The following INSL6 variants were observed in gnomAD, a reference collection of about 807,000 sequenced individuals.
INSL6 encodes insulin-like peptide INSL6.
Under a neutral mutation model 9.4 loss-of-function variants are expected in INSL6, and 16 were observed. The ratio of observed to expected loss-of-function variants is 1.70; its 90% CI spans 1.15 to 2.59. The LOEUF (loss-of-function observed/expected upper bound fraction) is 2.59. INSL6 is among the 30% of genes most tolerant of loss of function. INSL6 has a pLI of 0.00. For synonymous variants in INSL6, 154 were observed against 96.9 expected (o/e 1.59, Z -3.46); for missense variants, 391 against 257.3 (o/e 1.52, Z -3.56).
chr9:5,116,064 TAA>T, the INSL6 span, among the ~76,000 whole-genome samples: 1 of 150,238 alleles, frequency 6.7e-6, no homozygotes, highest in Admixed American at 6.6e-5. Context: ...TAATAAAATT[TAA>T]AAAAAAAACA....
the INSL6 span, among the ~76,000 whole-genome samples, chr9:5,067,121 A>G: frequency 1.3e-5 from 2 of 152,184 alleles, no homozygotes; most frequent in Non-Finnish European, 2.9e-5. Flanking sequence ...TCTTTGCCAC[A>G]TCATGTAGAA....
chr9:5,034,099 G>T, the INSL6 span, among the ~76,000 whole-genome samples: 37 of 152,038 alleles, frequency 2.4e-4, no homozygotes, highest in East Asian at 1.9e-3. Context: ...TCCTAGTCTC[G>T]GATAAAACAG....
At chr9:5,152,140 C>T (rs1824725672) in intron 2 of INSL6, among the ~76,000 whole-genome samples, 1 of 152,106 alleles carries the variant, frequency 6.6e-6, no homozygotes, top group African/African-American at 2.4e-5. Context: ...TCCATTATTA[C>T]AGAGATTTCA....
At chr9:5,069,141 G>C in the INSL6 span, 3 of 1,613,266 alleles carry the variant, frequency 1.9e-6, no homozygotes, top group Non-Finnish European at 2.5e-6. Context: ...ATTGTTACCA[G>C]ATGGAAACTG....
chr9:5,056,598 C>G, the INSL6 span, among the ~76,000 whole-genome samples: 1 of 152,000 alleles, frequency 6.6e-6, no homozygotes, highest in Non-Finnish European at 1.5e-5. Context: ...GACTGTGAGC[C>G]TTTTGAAGGT....
chr9:5,122,774 A>C (rs189428803), downstream of INSL6, among the ~76,000 whole-genome samples: 496 of 152,168 alleles, frequency 3.3e-3, 1 homozygote, highest in Non-Finnish European at 4.0e-3. Context: ...TGTACAAACA[A>C]TCTAGGCATA....
chr9:5,090,614 T>C, the INSL6 span: 90 of 1,547,812 alleles, frequency 5.8e-5, no homozygotes, highest in Middle Eastern at 1.7e-4. Flanking sequence ...AGCAACCGTG[T>C]TGAAGTAGAC....
intron 3 of INSL6, chr9:5,126,813 G>C (rs771905359): frequency 7.0e-7 from 1 of 1,432,542 alleles, no homozygotes; most frequent in African/African-American, 1.4e-5. Context: ...TTCATTCTGA[G>C]ACCAAAGTAG....
the INSL6 span, among the ~76,000 whole-genome samples, chr9:5,036,938 G>A: frequency 2.0e-5 from 3 of 152,068 alleles, no homozygotes; most frequent in African/African-American, 7.2e-5. Flanking sequence ...CTACAGAATG[G>A]GAGAACATTT....
At chr9:5,023,437 G>C in the INSL6 span, among the ~76,000 whole-genome samples, 1 of 152,162 alleles carries the variant, frequency 6.6e-6, no homozygotes, top group African/African-American at 2.4e-5. Context: ...AGGACTCGGG[G>C]GGAGCGTGGG....
chr9:5,126,240 T>A, intron 3 of INSL6: 1 of 774,982 alleles, frequency 1.3e-6, no homozygotes, highest in Non-Finnish European at 2.1e-6. Context: ...AGCACACATA[T>A]ACTAAATTTT....
the INSL6 span, chr9:5,066,798 G>C: frequency 7.7e-7 from 1 of 1,290,896 alleles, no homozygotes; most frequent in Non-Finnish European, 1.1e-6. Flanking sequence ...AGGTTAGTAT[G>C]TCACACTTAT....
chr9:5,034,551 G>A, the INSL6 span, among the ~76,000 whole-genome samples: 137 of 152,088 alleles, frequency 9.0e-4, no homozygotes, highest in Non-Finnish European at 1.5e-3. Flanking sequence ...TCAGACCACA[G>A]TGCAATCAAA....
intron 1 of INSL6, among the ~76,000 whole-genome samples, chr9:5,177,918 C>T (rs942348374): frequency 6.6e-6 from 1 of 152,084 alleles, no homozygotes; most frequent in African/African-American, 2.4e-5. Flanking sequence ...CTCTGTCACC[C>T]AGGCTGGAGT....
At chr9:5,061,916 G>T in the INSL6 span, among the ~76,000 whole-genome samples, 4 of 152,150 alleles carry the variant, frequency 2.6e-5, no homozygotes, top group African/African-American at 9.7e-5. Flanking sequence ...TTATTAATTG[G>T]CCTAATTTCA....
intron 1 of INSL6, among the ~76,000 whole-genome samples, chr9:5,167,350 T>G (rs951480975): frequency 1.3e-5 from 2 of 152,236 alleles, no homozygotes; most frequent in Non-Finnish European, 2.9e-5. Flanking sequence ...TGGGTGGCAC[T>G]TGAGCAGGCA....
At chr9:5,017,536 T>A in the INSL6 span, among the ~76,000 whole-genome samples, 1 of 152,230 alleles carries the variant, frequency 6.6e-6, no homozygotes, top group Non-Finnish European at 1.5e-5. Context: ...AGCTTTGGGC[T>A]TTGTTCTTCT....
At chr9:5,155,669 A>T (rs1347048401) in intron 2 of INSL6, among the ~76,000 whole-genome samples, 2 of 151,686 alleles carry the variant, frequency 1.3e-5, no homozygotes, top group Non-Finnish European at 2.9e-5. Flanking sequence ...TAACACAAGA[A>T]CAGAAAACCA....
chr9:4,994,589 C>T, the INSL6 span, among the ~76,000 whole-genome samples: 2 of 152,328 alleles, frequency 1.3e-5, no homozygotes, highest in East Asian at 3.9e-4. Flanking sequence ...GATTGTTTCT[C>T]TTGCACCTAC....
Sources: gnomAD v4.1 joint callset for allele counts (sites outside exome capture counted in the v4.1 genomes callset) on GRCh38, gnomAD v4.1.1 for gene constraint, MANE v1.5 for transcripts, NCBI Gene and HGNC (gene_info 2026-07-23, HGNC 2026-07-21) for gene names.